DCDC1: variants seen among roughly 807,000 people sequenced by gnomAD.
DCDC1 encodes the protein doublecortin domain-containing protein 1.
A neutral mutation model predicts 178.3 loss-of-function variants in DCDC1; 200 were observed. The ratio of observed to expected loss-of-function variants is 1.12; its 90% CI spans 1.00 to 1.26. The LOEUF (loss-of-function observed/expected upper bound fraction) is 1.26, where lower values mean the gene tolerates loss of function less well. DCDC1 is among the 50% of genes most tolerant of loss of function. The pLI is 0.00. For synonymous variants in DCDC1, 690 were observed against 604.8 expected (o/e 1.14, Z -2.07); for missense variants, 1,983 against 1,749.2 (o/e 1.13, Z -2.38).
intron 9 of DCDC1, among the ~76,000 whole-genome samples, chr11:31,227,793 G>A (rs1975194683): frequency 6.6e-6 from 1 of 151,878 alleles, no homozygotes; most frequent in African/African-American, 2.4e-5. Flanking sequence ...TAAAATTAAA[G>A]GATAGAAAAG....
chr11:30,900,481 C>T lies in DCDC1; in HGVS notation c.4528G>A (p.Val1510Met). ...GATTTTGCAAATAATCTGTTTTTCA[C>T]TTTCATTCTTGGATTTTCTGGTGGA... ...ESMEENPRMK[V>M]KNRLFAKSVT... Residue 1510 changes from valine to methionine, a missense_variant, in exon 33 of 39, where the codon GTG (valine) becomes ATG (methionine). Val to Met is a conservative substitution (Grantham distance 21). Coordinates refer to ENST00000684477, the MANE Select transcript of DCDC1 (RefSeq NM_001387274.1). 1 of 1,542,028 alleles carries T rather than the reference C, an allele frequency of 6.5e-7. No homozygotes were observed. The highest frequency in any genetic ancestry group is 8.8e-7 in the Non-Finnish European group (1 of 1,141,166).
chr11:30,940,375 C>T (rs1455462688), intron 21 of DCDC1, among the ~76,000 whole-genome samples: 1 of 152,066 alleles, frequency 6.6e-6, no homozygotes, highest in Non-Finnish European at 1.5e-5. Flanking sequence ...GTTGACCAAC[C>T]CCTCTTCTTT....
At chr11:30,920,417 T>C (rs1946162474) in intron 25 of DCDC1, among the ~76,000 whole-genome samples, 1 of 152,192 alleles carries the variant, frequency 6.6e-6, no homozygotes, top group Non-Finnish European at 1.5e-5. Context: ...AAGATAACTG[T>C]ATATTAACAT....
chr11:30,934,708 G>A (rs943727142), intron 21 of DCDC1, among the ~76,000 whole-genome samples: 2 of 152,038 alleles, frequency 1.3e-5, no homozygotes, highest in Non-Finnish European at 2.9e-5. Flanking sequence ...ATTCCTTTAG[G>A]ATCAATATTC....
At chr11:30,946,131 T>C (rs897320120) in intron 21 of DCDC1, among the ~76,000 whole-genome samples, 3 of 152,140 alleles carry the variant, frequency 2.0e-5, no homozygotes, top group Non-Finnish European at 4.4e-5. Context: ...ACAGTGTCCA[T>C]ATGGAGGTAC....
chr11:31,305,585 G>C (rs1170609136), intron 6 of DCDC1, 30 bp downstream of exon 6: 2 of 1,610,202 alleles, frequency 1.2e-6, no homozygotes, highest in African/African-American at 1.3e-5. Context: ...AGTATGTGTG[G>C]GGGTAGGGTA....
intron 18 of DCDC1, among the ~76,000 whole-genome samples, chr11:31,071,115 C>T (rs1400614633): frequency 6.6e-6 from 1 of 152,076 alleles, no homozygotes; most frequent in African/African-American, 2.4e-5. Flanking sequence ...TGTTTATGTA[C>T]AACGTAAATA....
intron 20 of DCDC1, among the ~76,000 whole-genome samples, chr11:31,016,358 T>C (rs963253558): frequency 6.6e-6 from 1 of 152,176 alleles, no homozygotes; most frequent in South Asian, 2.1e-4. Flanking sequence ...TGCCATGAAA[T>C]GTTTGTGCTA....
At chr11:30,896,505 T>G (rs371047801) in intron 34 of DCDC1, among the ~76,000 whole-genome samples, 3 of 152,328 alleles carry the variant, frequency 2.0e-5, no homozygotes, top group East Asian at 3.9e-4. Flanking sequence ...GCTGTCTTAT[T>G]GGGAGGCCCA....
intron 21 of DCDC1, among the ~76,000 whole-genome samples, chr11:30,937,466 G>T (rs1388152164): frequency 1.3e-5 from 2 of 152,108 alleles, no homozygotes; most frequent in South Asian, 2.1e-4. Context: ...CTCTAAAAAT[G>T]CCCAGGCTTT....
At chr11:31,321,304 G>A (rs1296432667) in intron 3 of DCDC1, among the ~76,000 whole-genome samples, 1 of 110,118 alleles carries the variant, frequency 9.1e-6, no homozygotes, top group Non-Finnish European at 1.8e-5. Context: ...AGCAATCAGC[G>A]AGATTCCGTG....
intron 7 of DCDC1, among the ~76,000 whole-genome samples, chr11:31,282,672 G>T (rs1946534063): frequency 6.6e-6 from 1 of 151,980 alleles, no homozygotes; most frequent in Non-Finnish European, 1.5e-5. Context: ...TAATTTCTTT[G>T]TGCATACCCA....
In DCDC1 at chr11:30,900,388, C is replaced by T; in HGVS notation, c.4621G>A (p.Ala1541Thr). The change falls in exon 33 of 39, where the codon GCC (alanine) becomes ACC (threonine). Residue 1541 changes from alanine (A) to threonine (T), a missense_variant. Physicochemically the swap from Ala to Thr is moderately conservative, Grantham distance 58. Coordinates refer to ENST00000684477, the MANE Select transcript of DCDC1 (RefSeq NM_001387274.1). ...GGTTCACCACAAGACACCCAGATGGCAATAGGATTTCTGAGGATGAGGGTA... is the reference window on the plus strand; with the variant it reads ...GGTTCACCACAAGACACCCAGATGGTAATAGGATTTCTGAGGATGAGGGTA... ...LLTLILRNPIAIWVSCGEPFL... is the reference protein window; with the variant it reads ...LLTLILRNPITIWVSCGEPFL... 1.3e-6 allele frequency: 2 copies of T among 1,577,704 alleles called. No homozygotes were observed. The highest frequency in any genetic ancestry group is 1.7e-6 in the Non-Finnish European group (2 of 1,161,140).
At position 31,243,639 on chromosome 11, in the gene DCDC1, A is replaced by G. The variant is rs368065338; in HGVS notation, c.1055-2023T>C. On this transcript the variant is annotated intron_variant, in intron 8 of 38. Coordinates refer to ENST00000684477, the MANE Select transcript of DCDC1 (RefSeq NM_001387274.1). ...TTTTTCAAAGTTTATACTCTCCACA[A>G]GAATTTTAGAAAAAATACAGCTTAG... Among the ~76,000 whole-genome samples, 40 of 151,982 alleles carry G rather than the reference A, an allele frequency of 2.6e-4. No homozygotes were observed. The East Asian group carries it at 6.2e-3, about 23-fold the overall frequency.
At chr11:31,330,306 CAGAT>C (rs1949902491) in intron 2 of DCDC1, among the ~76,000 whole-genome samples, 1 of 152,132 alleles carries the variant, frequency 6.6e-6, no homozygotes. Context: ...AGCCCTTTGT[CAGAT>C]AGGTAGATGG....
chr11:31,213,075 G>T (rs759868224), intron 9 of DCDC1, among the ~76,000 whole-genome samples: 1 of 142,018 alleles, frequency 7.0e-6, no homozygotes, highest in Admixed American at 7.2e-5. Context: ...TGGTGAAACT[G>T]TGTCATCTTC....
intron 2 of DCDC1, among the ~76,000 whole-genome samples, chr11:31,335,123 C>G (rs182514043): frequency 1.3e-5 from 2 of 152,314 alleles, no homozygotes; most frequent in Admixed American, 1.3e-4. Flanking sequence ...TACCCCTCCT[C>G]CTGCCAGGCT....
chr11:31,222,216 C>T (rs1974353207), intron 9 of DCDC1, among the ~76,000 whole-genome samples: 1 of 152,034 alleles, frequency 6.6e-6, no homozygotes, highest in Admixed American at 6.6e-5. Context: ...GCATGCACCA[C>T]CAGGTCCAGC....
At chr11:30,963,339 A>C (rs1479977121) in intron 20 of DCDC1, among the ~76,000 whole-genome samples, 1 of 152,148 alleles carries the variant, frequency 6.6e-6, no homozygotes, top group Admixed American at 6.6e-5. Flanking sequence ...CAGTTATGTC[A>C]ACTAATTTTG....
Sources: allele counts gnomAD v4.1 joint callset (sites outside exome capture counted in the v4.1 genomes callset), GRCh38; gene constraint gnomAD v4.1.1; transcripts MANE v1.5; gene names NCBI Gene and HGNC (gene_info 2026-07-23, HGNC 2026-07-21).